RUNX3: variants seen among roughly 807,000 people sequenced by gnomAD.
The protein encoded by RUNX3 is RUNX family transcription factor 3.
A neutral mutation model predicts 27.7 loss-of-function variants in RUNX3; 10 were observed. The observed-to-expected ratio is 0.36, with a 90% CI of 0.22 to 0.61. The LOEUF is 0.61. Among genes scored for constraint, RUNX3 ranks in the 20% least tolerant of loss-of-function variants. The probability of loss-of-function intolerance (pLI) is 0.72; values close to 1 mark genes in which losing one functional copy is unlikely to be tolerated. For missense variants in RUNX3, 469 were observed against 629.5 expected (o/e 0.75, Z 2.73); for synonymous variants, 270 against 269.2 (o/e 1.00, Z -0.03).
upstream of RUNX3, among the ~76,000 whole-genome samples, chr1:24,935,204 C>T (rs963251051): frequency 5.3e-5 from 8 of 152,230 alleles, no homozygotes; most frequent in Admixed American, 2.6e-4. Context: ...CATACACTAG[C>T]ACCCTGATGC....
At chr1:24,935,488 G>C (rs777837547) in intron 2 of RUNX3, among the ~76,000 whole-genome samples, 1 of 152,184 alleles carries the variant, frequency 6.6e-6, no homozygotes, top group Non-Finnish European at 1.5e-5. Context: ...GTGGTCAGAG[G>C]GTGCTCTGCT....
Position 24,950,297 on chromosome 1 carries a change from G to A in RUNX3, c.58+14217C>T, listed in dbSNP as rs1427867360. Among the ~76,000 whole-genome samples, 7 of 152,262 alleles carry A rather than the reference G, an allele frequency of 4.6e-5. No homozygotes were observed. The East Asian group carries it at 7.7e-4, about 17-fold the overall frequency. ...GTGCAGACCCTCACAGATGCTCAGG[G>A]GCCACCCCAAAACTTGGTGTGCAGA... On this transcript the variant is annotated intron_variant, in intron 2 of 6. Transcript: ENST00000338888.
intron 3 of RUNX3, among the ~76,000 whole-genome samples, chr1:24,917,642 G>A (rs1379435473): frequency 6.6e-6 from 1 of 152,204 alleles, no homozygotes. Flanking sequence ...AACCCCCACC[G>A]CTAAGTGCTT....
chr1:24,947,932 C>T (rs1371568781), intron 2 of RUNX3, among the ~76,000 whole-genome samples: 25 of 152,212 alleles, frequency 1.6e-4, no homozygotes, highest in Admixed American at 1.6e-3. Context: ...TCCGCTTCTA[C>T]CTTTCTTCCT....
At chr1:24,931,120 G>A (rs1487663406), upstream of RUNX3, among the ~76,000 whole-genome samples, 3 of 152,206 alleles carry the variant, frequency 2.0e-5, no homozygotes, top group Non-Finnish European at 4.4e-5. Flanking sequence ...GTCCTGCATC[G>A]TGAAACGGTA....
At chr1:24,928,035 A>G (rs913246807) in intron 1 of RUNX3, among the ~76,000 whole-genome samples, 2 of 152,268 alleles carry the variant, frequency 1.3e-5, no homozygotes, top group South Asian at 2.1e-4. Context: ...CAGCTCAGTC[A>G]CTATGATGTG....
intron 2 of RUNX3, among the ~76,000 whole-genome samples, chr1:24,952,100 T>G (rs1641781946): frequency 6.6e-6 from 1 of 152,256 alleles, no homozygotes; most frequent in East Asian, 1.9e-4. Flanking sequence ...TTATATTTTC[T>G]AGACTGTCAA....
chr1:24,951,625 C>T (rs889150485), intron 2 of RUNX3, among the ~76,000 whole-genome samples: 5 of 152,182 alleles, frequency 3.3e-5, no homozygotes, highest in African/African-American at 9.7e-5. Context: ...GGGAACCAAG[C>T]TCGTGGGGGC....
chr1:24,946,579 C>A (rs981718580), intron 2 of RUNX3, among the ~76,000 whole-genome samples: 5 of 152,184 alleles, frequency 3.3e-5, no homozygotes, highest in Admixed American at 2.6e-4. Context: ...CCATTCCCCC[C>A]CTACTCATGG....
Position 24,941,443 on chromosome 1 carries a change from G to A in RUNX3, c.59-11591C>T, listed in dbSNP as rs185397635. 1.2e-3 allele frequency among the ~76,000 whole-genome samples: 187 copies of A among 152,256 alleles called. 1 individual carries two copies. Among genetic ancestry groups the A allele is most frequent in the Middle Eastern group, 6.8e-3 (2 of 294 alleles). ...CACTCACACATGCTGTTGAATCCCC[G>A]GAGCCACTTTTGTATTAGGTACATT... On this transcript the variant is annotated intron_variant, in intron 2 of 6. Coordinates refer to the RUNX3 transcript ENST00000338888.
intron 2 of RUNX3, among the ~76,000 whole-genome samples, chr1:24,938,934 C>T (rs1641410993): frequency 6.6e-6 from 1 of 152,068 alleles, no homozygotes; most frequent in Non-Finnish European, 1.5e-5. Context: ...ATAAATTATC[C>T]CGTCTCAGGT....
intron 1 of RUNX3, chr1:24,929,001 G>A (rs1285500797): frequency 2.2e-6 from 1 of 456,476 alleles, no homozygotes; most frequent in East Asian, 6.9e-5. Context: ...TAAATGGCTG[G>A]GGGCTGCCAG....
intron 2 of RUNX3, among the ~76,000 whole-genome samples, chr1:24,938,981 C>A (rs1039658669): frequency 1.3e-5 from 2 of 152,200 alleles, no homozygotes; most frequent in African/African-American, 4.8e-5. Context: ...CTAAGACACT[C>A]TCTTTAGACA....
At chr1:24,930,308 C>T, upstream of RUNX3, 2 of 865,190 alleles carry the variant, frequency 2.3e-6, no homozygotes, top group Non-Finnish European at 2.8e-6. This position sits in a 1 kb window ranked among gnomAD's most constrained non-coding sequence, Gnocchi z 4.1. Context: ...GGGTTAGTAC[C>T]CCCGGGGCCC....
chr1:24,907,998 T>TCTACAACACGCGGTGATCC (rs1557837105), intron 3 of RUNX3, among the ~76,000 whole-genome samples: 1 of 139,066 alleles, frequency 7.2e-6, no homozygotes, highest in African/African-American at 2.7e-5. Flanking sequence ...CGCGGTGATC[T>TCTACAACACGCGGTGATCC]AAACCTCTAC....
At chr1:24,907,210 C>T in intron 4 of RUNX3, 49 bp downstream of exon 4, 1 of 1,577,954 alleles carries the variant, frequency 6.3e-7, no homozygotes, top group Non-Finnish European at 8.6e-7. Context: ...CACATCGAGG[C>T]CCTCCACCCC....
intron 2 of RUNX3, among the ~76,000 whole-genome samples, chr1:24,949,517 C>T (rs754100979): frequency 1.3e-5 from 2 of 152,200 alleles, no homozygotes; most frequent in East Asian, 1.9e-4. Flanking sequence ...ACTCCCCAAG[C>T]GGCCACAAAC....
At chr1:24,935,300 G>A (rs552723489) in intron 2 of RUNX3, among the ~76,000 whole-genome samples, 7 of 152,182 alleles carry the variant, frequency 4.6e-5, no homozygotes, top group Non-Finnish European at 8.8e-5. Flanking sequence ...ATGCGGGGGT[G>A]CACTTTCAAG....
chr1:24,921,567 A>C (rs1360346567), intron 2 of RUNX3, among the ~76,000 whole-genome samples: 1 of 152,258 alleles, frequency 6.6e-6, no homozygotes, highest in East Asian at 1.9e-4. Context: ...TTCTGGAAGC[A>C]GAAGTGCAGA....
Sources: allele counts gnomAD v4.1 joint callset (sites outside exome capture counted in the v4.1 genomes callset), GRCh38; gene constraint gnomAD v4.1.1; non-coding constraint Gnocchi (gnomAD v3.1); transcripts MANE v1.5; gene names NCBI Gene and HGNC (gene_info 2026-07-23, HGNC 2026-07-21).